Variants in CCBE1 observed in about 807,000 individuals in gnomAD.
CCBE1 encodes collagen and calcium-binding EGF domain-containing protein 1.
A neutral mutation model predicts 50.0 loss-of-function variants in CCBE1; 37 were observed. The ratio of observed to expected loss-of-function variants is 0.74; its 90% CI spans 0.57 to 0.97. The LOEUF (loss-of-function observed/expected upper bound fraction) is 0.97, where lower values mean the gene tolerates loss of function less well. Among genes scored for constraint, CCBE1 ranks in the 50% least tolerant of loss-of-function variants. The pLI, the probability that CCBE1 is intolerant of heterozygous loss-of-function variation, is 0.00. For synonymous variants in CCBE1, 234 were observed against 203.7 expected, an observed-to-expected ratio of 1.15 and a Z score of -1.27; for missense variants, 538 against 523.8, an observed-to-expected ratio of 1.03 and a Z score of -0.26.
rs57261187 is a variant in CCBE1, at chr18:59,490,236, C to T, written c.213-9998G>A. Among the ~76,000 whole-genome samples, 1,361 of 152,042 alleles carry T rather than the reference C, an allele frequency of 9.0e-3. 16 individuals carry two copies. Among genetic ancestry groups the T allele is most frequent in the African/African-American group, 0.03 (1,254 of 41,498 alleles). On this transcript the variant is annotated intron_variant, in intron 2 of 10. Coordinates refer to ENST00000439986, the MANE Select transcript of CCBE1 (RefSeq NM_133459.4). The stretch of plus-strand genomic sequence containing the variant: ...CTGACCTCAGGTGATCTGCCTGCCT[C>T]GGCCTCCCAAAGTGCTGGGATTACA...
intron 2 of CCBE1, among the ~76,000 whole-genome samples, chr18:59,484,528 A>G (rs1912723456): frequency 6.6e-6 from 1 of 152,204 alleles, no homozygotes; most frequent in African/African-American, 2.4e-5. Context: ...AGGGCTTAGG[A>G]CTGTCCACGC....
intron 2 of CCBE1, among the ~76,000 whole-genome samples, chr18:59,627,443 G>C (rs1433723708): frequency 1.3e-5 from 2 of 152,130 alleles, no homozygotes; most frequent in African/African-American, 4.8e-5. Context: ...ATAATACTGT[G>C]TCCCCCAAAA....
intron 2 of CCBE1, among the ~76,000 whole-genome samples, chr18:59,630,823 A>G (rs1461749948): frequency 5.9e-5 from 9 of 152,190 alleles, no homozygotes; most frequent in Admixed American, 5.9e-4. Flanking sequence ...CCACAGTGGG[A>G]TTCAGGTGCT....
At chr18:59,658,081 TCAC>T (rs1419928035) in intron 2 of CCBE1, among the ~76,000 whole-genome samples, 1 of 151,594 alleles carries the variant, frequency 6.6e-6, no homozygotes, top group Non-Finnish European at 1.5e-5. Flanking sequence ...CAGGGTGTAT[TCAC>T]CTCTTGTGTC....
At chr18:59,512,102 G>A (rs146364768) in intron 2 of CCBE1, among the ~76,000 whole-genome samples, 181 of 152,278 alleles carry the variant, frequency 1.2e-3, no homozygotes, top group African/African-American at 4.1e-3. Flanking sequence ...CTACAGTAGC[G>A]GTGTGATATG....
At chr18:59,665,296 G>A (rs2054338615) in intron 2 of CCBE1, among the ~76,000 whole-genome samples, 1 of 152,062 alleles carries the variant, frequency 6.6e-6, no homozygotes, top group Non-Finnish European at 1.5e-5. Context: ...TGATTTTACT[G>A]GTTATGGTAC....
At chr18:59,548,430 T>C (rs1255185892) in intron 2 of CCBE1, among the ~76,000 whole-genome samples, 4 of 152,112 alleles carry the variant, frequency 2.6e-5, no homozygotes, top group Non-Finnish European at 4.4e-5. Context: ...TTAGGGTGAA[T>C]AGAGATTGCA....
At chr18:59,621,519 A>C (rs1356728305) in intron 2 of CCBE1, among the ~76,000 whole-genome samples, 1 of 152,172 alleles carries the variant, frequency 6.6e-6, no homozygotes, top group East Asian at 1.9e-4. Flanking sequence ...CCCCACTAAT[A>C]ATTGCTACAA....
chr18:59,480,314 T>C lies in CCBE1; in HGVS notation c.213-76A>G, dbSNP rs571101343. The C allele has an allele frequency of 7.7e-5, 87 of 1,126,442 alleles. No individual in the cohort carries two copies. In the African/African-American group the frequency reaches 9.9e-4, roughly 13 times the overall value. The allele number at this position is 1,126,442 out of a possible 1,614,324, so 69.8% of individuals were successfully genotyped here. A position where few individuals can be genotyped will look rare whatever the true frequency, so the allele number is the denominator to read the frequency against. ...TTCTTTCCAGTTATTGTTGTTTGAA[T>C]GAAATAACTTGTGCCCAGGAAACAT... On this transcript the variant is annotated intron_variant, in intron 2 of 10. Transcript: ENST00000439986.
chr18:59,507,157 A>G (rs1026827598), intron 2 of CCBE1, among the ~76,000 whole-genome samples: 9 of 152,138 alleles, frequency 5.9e-5, no homozygotes, highest in Non-Finnish European at 1.0e-4. Flanking sequence ...AAAATCAACC[A>G]TATCTTCTTT....
chr18:59,527,495 A>T (rs1914874396), intron 2 of CCBE1, among the ~76,000 whole-genome samples: 1 of 152,072 alleles, frequency 6.6e-6, no homozygotes. Context: ...GCTCATTTAC[A>T]TTTAGGGTTA....
intron 4 of CCBE1, among the ~76,000 whole-genome samples, 163 bp from the exon 5 acceptor site, chr18:59,467,054 A>G (rs1453593343): frequency 6.6e-6 from 1 of 152,278 alleles, no homozygotes; most frequent in Non-Finnish European, 1.5e-5. Context: ...AATGTGGGTC[A>G]TCCATAAAAA....
chr18:59,604,053 G>A (rs967038719), intron 2 of CCBE1, among the ~76,000 whole-genome samples: 1 of 152,204 alleles, frequency 6.6e-6, no homozygotes, highest in African/African-American at 2.4e-5. Context: ...AAAGGTATCT[G>A]TTGTTTCTCT....
chr18:59,533,546 A>G (rs962740200), intron 2 of CCBE1, among the ~76,000 whole-genome samples: 18 of 152,230 alleles, frequency 1.2e-4, no homozygotes, highest in Admixed American at 1.3e-4. Flanking sequence ...TGTAAAGAAA[A>G]TAATGTAAAT....
intron 2 of CCBE1, among the ~76,000 whole-genome samples, chr18:59,657,724 C>G (rs1261111557): frequency 6.6e-6 from 1 of 152,086 alleles, no homozygotes; most frequent in African/African-American, 2.4e-5. Context: ...AACCACGTCT[C>G]TACTGAAAAA....
intron 5 of CCBE1, among the ~76,000 whole-genome samples, chr18:59,457,494 T>G (rs1359169371): frequency 2.0e-5 from 3 of 152,174 alleles, no homozygotes; most frequent in African/African-American, 7.2e-5. Context: ...GTGGCTGCTG[T>G]GATGACTGGG....
Position 59,438,159 on chromosome 18 carries a change from A to G in CCBE1, c.952-13T>C, listed in dbSNP as rs1568138201. On this transcript the variant is annotated splice_polypyrimidine_tract_variant and intron_variant, in intron 9 of 10. Transcript: ENST00000439986. Reference sequence around the variant, plus strand: ...CTCCTCTCTCCCCCTAAAAACAGAAAGGCCAGGGTTAGCTTTCTAGAGCAC... The same window carrying G: ...CTCCTCTCTCCCCCTAAAAACAGAAGGGCCAGGGTTAGCTTTCTAGAGCAC... 6.2e-7 allele frequency: 1 copy of G among 1,614,088 alleles called. No individual in the cohort carries two copies.
intron 2 of CCBE1, among the ~76,000 whole-genome samples, chr18:59,607,304 G>A (rs1487191139): frequency 1.3e-5 from 2 of 152,170 alleles, no homozygotes; most frequent in East Asian, 3.9e-4. Context: ...TGGCATGAAA[G>A]CCCTCTTAGA....
At chr18:59,471,752 C>T (rs1290555255) in intron 3 of CCBE1, among the ~76,000 whole-genome samples, 1 of 152,188 alleles carries the variant, frequency 6.6e-6, no homozygotes, top group African/African-American at 2.4e-5. Flanking sequence ...GAGACACAGA[C>T]AGATACAGAC....
Sources: gnomAD v4.1 joint callset for allele counts (sites outside exome capture counted in the v4.1 genomes callset) on GRCh38, gnomAD v4.1.1 for gene constraint, MANE v1.5 for transcripts, NCBI Gene and HGNC (gene_info 2026-07-23, HGNC 2026-07-21) for gene names.